The following BMP6 variants were observed in gnomAD, a reference collection of about 807,000 sequenced individuals.
The protein encoded by BMP6 is VG-1-R.
Under a neutral mutation model 54.1 loss-of-function variants are expected in BMP6, and 17 were observed. That is an observed-to-expected ratio of 0.31 (90% confidence interval 0.22 to 0.47). The LOEUF is 0.47. BMP6 is among the 20% of genes least tolerant of loss of function. The pLI is 1.00. For missense variants in BMP6, 720 were observed against 690.4 expected (o/e 1.04, Z -0.48); for synonymous variants, 328 against 291.2 (o/e 1.13, Z -1.28).
chr6:7,867,882 CT>C (rs1180331111), intron 4 of BMP6, among the ~76,000 whole-genome samples: 6 of 152,208 alleles, frequency 3.9e-5, no homozygotes, highest in Non-Finnish European at 8.8e-5. Flanking sequence ...GGAAAGTTCC[CT>C]TCTACCTCCT....
rs367974362 is a variant in BMP6, at chr6:7,738,593, TGTTCCAGGTTGGACCCTCATTGC to T, written c.664+10975_664+10997del. On this transcript the variant is annotated intron_variant, in intron 1 of 6. Transcript: ENST00000283147. ...TTGTAAACTCTTGCAGAAGGTTCTC[TGTTCCAGGTTGGACCCTCATTGC>T]TAAAGGCTCTTAATTCCCTGGAACA... Among the ~76,000 whole-genome samples the T allele has an allele frequency of 1.6e-3, 247 of 152,340 alleles. 1 individual carries two copies. Among genetic ancestry groups the T allele is most frequent in the African/African-American group, 5.7e-3 (237 of 41,588 alleles).
intron 1 of BMP6, among the ~76,000 whole-genome samples, chr6:7,807,035 C>G (rs922839420): frequency 3.3e-5 from 5 of 152,190 alleles, no homozygotes; most frequent in Non-Finnish European, 7.4e-5. Context: ...CAATATTTAA[C>G]AACTTTCTAA....
intron 1 of BMP6, among the ~76,000 whole-genome samples, chr6:7,759,619 C>T (rs967773741): frequency 3.4e-5 from 5 of 146,888 alleles, no homozygotes; most frequent in Non-Finnish European, 7.5e-5. Context: ...CTAAACAAAT[C>T]AGATTTTAAA....
intron 1 of BMP6, among the ~76,000 whole-genome samples, chr6:7,728,211 C>G (rs374696881): frequency 6.6e-6 from 1 of 152,076 alleles, no homozygotes; most frequent in Non-Finnish European, 1.5e-5. Flanking sequence ...GGAAGGCGCT[C>G]GGATCCCGGC....
At chr6:7,728,298 C>T (rs1452029757) in intron 1 of BMP6, among the ~76,000 whole-genome samples, 5 of 152,226 alleles carry the variant, frequency 3.3e-5, no homozygotes, top group Non-Finnish European at 2.9e-5. Flanking sequence ...GGCTCACATG[C>T]CCTTGGCCAT....
chr6:7,773,952 T>G (rs1757825424), intron 1 of BMP6, among the ~76,000 whole-genome samples: 1 of 152,198 alleles, frequency 6.6e-6, no homozygotes, highest in Non-Finnish European at 1.5e-5. Context: ...TGGGAATGTA[T>G]GAAAGGGCCA....
In BMP6 at chr6:7,727,417, G is replaced by T. The variant is rs1167884098; in HGVS notation, c.462G>T (p.Glu154Asp). 23 of 1,606,376 alleles carry T rather than the reference G, an allele frequency of 1.4e-5. No homozygotes were observed. Among genetic ancestry groups the T allele is most frequent in the Non-Finnish European group, 2.0e-5 (23 of 1,177,450 alleles). Reference sequence around the variant, plus strand: ...ACAACGACGAGGACGGGGCGTCGGAGGGGGAGAGGCAGCAGTCCTGGCCCC... The same window carrying T: ...ACAACGACGAGGACGGGGCGTCGGATGGGGAGAGGCAGCAGTCCTGGCCCC... ...SADNDEDGAS[E>D]GERQQSWPHE... Residue 154 changes from glutamate (E) to aspartate (D), a missense_variant, in exon 1 of 7, where the codon GAG (glutamate) becomes GAT (aspartate). Coordinates refer to ENST00000283147, the MANE Select transcript of BMP6 (RefSeq NM_001718.6).
At chr6:7,757,733 A>C (rs1265530298) in intron 1 of BMP6, among the ~76,000 whole-genome samples, 1 of 152,148 alleles carries the variant, frequency 6.6e-6, no homozygotes, top group Non-Finnish European at 1.5e-5. Context: ...TGCTCTCCCT[A>C]CGTCTCTGCA....
intron 1 of BMP6, among the ~76,000 whole-genome samples, chr6:7,736,279 G>C (rs528485474): frequency 2.5e-4 from 38 of 152,198 alleles, no homozygotes; most frequent in Non-Finnish European, 4.4e-4. Flanking sequence ...TTTGATCCAT[G>C]CTAGGCAGGA....
chr6:7,864,539 T>C (rs1759388611), intron 4 of BMP6, among the ~76,000 whole-genome samples: 1 of 152,202 alleles, frequency 6.6e-6, no homozygotes, highest in Non-Finnish European at 1.5e-5. Context: ...TACAGAAATG[T>C]CATTTTTGGT....
At chr6:7,848,016 A>G (rs1467464981) in intron 2 of BMP6, among the ~76,000 whole-genome samples, 1 of 152,192 alleles carries the variant, frequency 6.6e-6, no homozygotes, top group Admixed American at 6.5e-5. Flanking sequence ...TTTTGCAAAA[A>G]TTACATTGGC....
Position 7,845,345 on chromosome 6 carries a change from G to C in BMP6, c.857+13G>C. 1 of 1,603,154 alleles carries C rather than the reference G, an allele frequency of 6.2e-7. No homozygotes were observed. Among genetic ancestry groups the C allele is most frequent in the Non-Finnish European group, 8.5e-7 (1 of 1,173,382 alleles). On this transcript the variant is annotated intron_variant, in intron 2 of 6. Coordinates refer to ENST00000283147, the MANE Select transcript of BMP6 (RefSeq NM_001718.6). ...AGCATCAGCACAGGTATGAAGGCTC[G>C]AGAAAGCCCCAAAGGTGGGGCTGGC...
chr6:7,784,639 A>C (rs1156872987), intron 1 of BMP6, among the ~76,000 whole-genome samples: 8 of 152,152 alleles, frequency 5.3e-5, no homozygotes. Flanking sequence ...TTTCTTGCAA[A>C]CTCCTTTGAA....
At chr6:7,871,119 A>G (rs1759517733) in intron 4 of BMP6, among the ~76,000 whole-genome samples, 1 of 152,228 alleles carries the variant, frequency 6.6e-6, no homozygotes, top group Non-Finnish European at 1.5e-5. Flanking sequence ...GGAAAGCAGA[A>G]TATTTTATCA....
At chr6:7,876,642 C>T (rs1295395508) in intron 4 of BMP6, among the ~76,000 whole-genome samples, 3 of 152,102 alleles carry the variant, frequency 2.0e-5, no homozygotes, top group African/African-American at 7.3e-5. Flanking sequence ...TAATGTATAA[C>T]TAATCTGTTA....
At chr6:7,834,241 T>C (rs1758837681) in intron 1 of BMP6, among the ~76,000 whole-genome samples, 1 of 148,712 alleles carries the variant, frequency 6.7e-6, no homozygotes, top group African/African-American at 2.5e-5. Flanking sequence ...ATATTCAGGA[T>C]GAATTTCAAT....
chr6:7,777,864 A>G lies in BMP6; in HGVS notation c.664+50245A>G, dbSNP rs561248594. Among the ~76,000 whole-genome samples the G allele has an allele frequency of 7.9e-5, 12 of 151,282 alleles. No homozygotes were observed. The East Asian group carries it at 2.3e-3, about 30-fold the overall frequency. ...AGTGGGACTCTCCCAAGCGACAAAC[A>G]CTCTTTAGAGCCCCCGTCCGGGACA... is the stretch of plus-strand genomic sequence containing the variant. On this transcript the variant is annotated intron_variant, in intron 1 of 6. Coordinates refer to ENST00000283147, the MANE Select transcript of BMP6 (RefSeq NM_001718.6).
At chr6:7,735,146 C>T (rs1761933540) in intron 1 of BMP6, among the ~76,000 whole-genome samples, 1 of 152,270 alleles carries the variant, frequency 6.6e-6, no homozygotes, top group Non-Finnish European at 1.5e-5. Context: ...CCGCTCCACC[C>T]TGACCTCCGA....
At chr6:7,876,257 ATTTTCT>A (rs1759613635) in intron 4 of BMP6, among the ~76,000 whole-genome samples, 1 of 151,748 alleles carries the variant, frequency 6.6e-6, no homozygotes, top group African/African-American at 2.4e-5. Context: ...TTTCTTAGTA[ATTTTCT>A]TTTTATCTCT....
Sources: gnomAD v4.1 joint callset for allele counts (sites outside exome capture counted in the v4.1 genomes callset) on GRCh38, gnomAD v4.1.1 for gene constraint, MANE v1.5 for transcripts, NCBI Gene and HGNC (gene_info 2026-07-23, HGNC 2026-07-21) for gene names.